The following CNGA1 variants were observed in gnomAD, a reference collection of about 807,000 sequenced individuals.
CNGA1 encodes cyclic nucleotide gated channel subunit alpha 1.
A neutral mutation model predicts 69.7 loss-of-function variants in CNGA1; 53 were observed. The ratio of observed to expected loss-of-function variants is 0.76; its 90% confidence interval spans 0.61 to 0.96. CNGA1 has a LOEUF of 0.96. Ranked by LOEUF, CNGA1 falls within the 40% of genes least tolerant of loss-of-function variation. The pLI is 0.00. For missense variants in CNGA1, 739 were observed against 811.2 expected, an observed-to-expected ratio of 0.91 and a Z score of 1.08; for synonymous variants, 249 against 283.5, an observed-to-expected ratio of 0.88 and a Z score of 1.22.
intron 3 of CNGA1, among the ~76,000 whole-genome samples, chr4:47,964,994 T>C (rs1740644995): frequency 6.6e-6 from 1 of 152,222 alleles, no homozygotes; most frequent in African/African-American, 2.4e-5. Context: ...TTTGTATTAA[T>C]TAATTTCTGT....
chr4:47,949,815 TA>T lies in CNGA1; in HGVS notation c.287+17del. On this transcript the variant is annotated intron_variant, in intron 6 of 10. Transcript: ENST00000514170. ...CTTTAAAACCAAAACTTTGGTTTTC[TA>T]TTGTAAATATACTTACTGGTCCTTA... 6.2e-7 allele frequency: 1 copy of T among 1,608,326 alleles called. No individual in the cohort carries two copies. Among genetic ancestry groups the T allele is most frequent in the Non-Finnish European group, 8.5e-7 (1 of 1,175,244 alleles).
rs5858098 is a variant in CNGA1 at position 47,980,472 on chromosome 4, C to CTT, written c.-15+919_-15+920dup. 2.5e-3 allele frequency among the ~76,000 whole-genome samples: 280 copies of CTT among 112,360 alleles called. 1 individual carries two copies. The highest frequency in any genetic ancestry group is 8.7e-3 in the African/African-American group (255 of 29,172). The allele number at this position is 112,360 out of a possible 152,430, so 73.7% of individuals were successfully genotyped here. A position where few individuals can be genotyped will look rare whatever the true frequency, so the allele number is the denominator to read the frequency against. On this transcript the variant is annotated intron_variant, in intron 3 of 10. Transcript: ENST00000514170. ...AACAGTTTTTTATTTTTCTTTCTTT[C>CTT]TTTTTTTTTTTTTTTTTTTTGATAC...
rs548116727 is a variant in CNGA1, at chr4:47,936,509, A to G, written c.1973T>C (p.Val658Ala). The change falls in exon 11 of 11, where the codon GTT becomes GCT. Residue 658 changes from valine (V) to alanine (A), a missense_variant. Physicochemically the swap from Val to Ala is moderately conservative, Grantham distance 64. Transcript: ENST00000514170. ...AATAAGCGGTTTCAGAAATTTCTCA[A>G]CCTTGGTTAATCTTTGTTTCAGTTT... Reference protein sequence around the residue: ...QQKLKQRLTKVEKFLKPLIDT... With the variant: ...QQKLKQRLTKAEKFLKPLIDT... The G allele has an allele frequency of 1.2e-6, 2 of 1,614,100 alleles. No individual in the cohort carries two copies. The highest frequency in any genetic ancestry group is 1.3e-5 in the African/African-American group (1 of 75,012).
At chr4:47,981,274 A>T (rs2110217683) in intron 3 of CNGA1, 119 bp downstream of exon 3, 1 of 152,368 alleles carries the variant, frequency 6.6e-6, no homozygotes, top group South Asian at 2.1e-4. Context: ...TCATAGCTGT[A>T]TCTAGAGAGC....
intron 1 of CNGA1, among the ~76,000 whole-genome samples, chr4:48,015,839 C>A (rs1372833539): frequency 1.3e-5 from 2 of 152,164 alleles, no homozygotes; most frequent in Non-Finnish European, 2.9e-5. Context: ...CTCAAGAGAG[C>A]CACTCGCCTC....
At chr4:47,974,071 GATAGATAGATAGA>G (rs1560299725) in intron 3 of CNGA1, among the ~76,000 whole-genome samples, 64 of 49,426 alleles carry the variant, frequency 1.3e-3, no homozygotes, top group East Asian at 3.2e-3. Context: ...CTGGTCTCTA[GATAGATAGATAGA>G]TAGATAGATA....
At chr4:47,984,678 A>T (rs778722934) in intron 2 of CNGA1, among the ~76,000 whole-genome samples, 6 of 148,380 alleles carry the variant, frequency 4.0e-5, no homozygotes, top group Non-Finnish European at 9.0e-5. Flanking sequence ...ACACACACAC[A>T]CACACACACA....
intron 1 of CNGA1, chr4:48,012,749 A>G (rs1374540710): frequency 6.6e-6 from 1 of 151,962 alleles, no homozygotes; most frequent in Non-Finnish European, 1.5e-5. Flanking sequence ...AACAGACAAC[A>G]ACAACAAAAA....
intron 1 of CNGA1, among the ~76,000 whole-genome samples, chr4:48,014,669 G>A (rs1458456947): frequency 6.6e-6 from 1 of 152,014 alleles, no homozygotes; most frequent in Admixed American, 6.6e-5. Flanking sequence ...GTAAAGTGGG[G>A]GTAGTAGTAT....
chr4:47,945,170 C>T (rs1401878529), intron 6 of CNGA1, among the ~76,000 whole-genome samples: 1 of 151,966 alleles, frequency 6.6e-6, no homozygotes, highest in African/African-American at 2.4e-5. Flanking sequence ...CAAGACCAGC[C>T]CGGGCAACAT....
At chr4:47,954,309 T>C (rs1414010167) in intron 3 of CNGA1, among the ~76,000 whole-genome samples, 1 of 152,136 alleles carries the variant, frequency 6.6e-6, no homozygotes, top group Non-Finnish European at 1.5e-5. Context: ...TTCAAACAGT[T>C]CATATGACCT....
intron 3 of CNGA1, among the ~76,000 whole-genome samples, chr4:47,970,327 C>T (rs190152590): frequency 1.2e-4 from 18 of 152,228 alleles, no homozygotes; most frequent in African/African-American, 4.3e-4. Flanking sequence ...ACCCTGATCT[C>T]ACCACCACCT....
intron 2 of CNGA1, among the ~76,000 whole-genome samples, chr4:47,988,756 A>G (rs1210305732): frequency 1.3e-5 from 2 of 152,134 alleles, no homozygotes; most frequent in Non-Finnish European, 2.9e-5. Context: ...GTGAGTCAAT[A>G]TATTCATTCA....
rs778874113 is a variant in CNGA1, at chr4:47,937,697, T to C, written c.785A>G (p.Asn262Ser). The C allele has an allele frequency of 1.2e-5, 19 of 1,614,008 alleles. 1 individual carries two copies. The South Asian group carries it at 2.1e-4, about 18-fold the overall frequency. The part of the protein sequence containing the change: ...TDLLYFKLGW[N>S]YPEIRLNRLL... Reference sequence around the variant, plus strand: ...CCTGTTTAATCTAATTTCTGGATAGTTCCACCCTAACTTAAAATACAGCAA... The same window carrying C: ...CCTGTTTAATCTAATTTCTGGATAGCTCCACCCTAACTTAAAATACAGCAA... The change falls in exon 11 of 11, where the codon AAC becomes AGC. Residue 262 changes from asparagine (N) to serine (S), a missense_variant. Asn to Ser is a conservative substitution (Grantham distance 46). Transcript: ENST00000514170.
intron 2 of CNGA1, among the ~76,000 whole-genome samples, chr4:47,993,608 T>A (rs1298174849): frequency 6.6e-6 from 1 of 152,154 alleles, no homozygotes; most frequent in African/African-American, 2.4e-5. Flanking sequence ...TCATGGTCTA[T>A]CAATTTTATT....
rs762706687 is a variant in CNGA1, at chr4:47,936,550, A to T, written c.1932T>A (p.Tyr644Ter). The T allele has an allele frequency of 6.2e-7, 1 of 1,614,104 alleles. No homozygotes were observed. Among genetic ancestry groups the T allele is most frequent in the Admixed American group, 1.7e-5 (1 of 60,002 alleles). The change falls in exon 11 of 11, where the codon TAT becomes TAA. Residue 644 changes from tyrosine to a stop codon, truncating the protein, a stop_gained. Coordinates refer to ENST00000514170, the MANE Select transcript of CNGA1 (RefSeq NM_001379270.1). LOFTEE classifies it high-confidence loss of function. ...QTRFARILAE[Y>*]ESMQQKLKQR... The stretch of plus-strand genomic sequence containing the variant: ...GTTTCAGTTTCTGCTGCATGGACTC[A>T]TACTCAGCCAAGATTCGGGCAAACC...
At chr4:48,004,709 A>C (rs947259479) in intron 2 of CNGA1, among the ~76,000 whole-genome samples, 3 of 152,210 alleles carry the variant, frequency 2.0e-5, no homozygotes, top group African/African-American at 7.2e-5. Flanking sequence ...TATAGGCCAC[A>C]CTACTCTGAA....
intron 3 of CNGA1, among the ~76,000 whole-genome samples, chr4:47,961,697 C>T (rs1261094807): frequency 1.3e-5 from 2 of 152,072 alleles, no homozygotes; most frequent in East Asian, 1.9e-4. Flanking sequence ...CAGTGCACTC[C>T]AGCCTGGGTG....
chr4:47,998,763 C>T (rs942165763), intron 2 of CNGA1, among the ~76,000 whole-genome samples: 13 of 152,000 alleles, frequency 8.6e-5, no homozygotes, highest in South Asian at 2.1e-4. Flanking sequence ...GGCAACAGAG[C>T]GAGACTCCAT....
Sources: gnomAD v4.1 joint callset for allele counts (sites outside exome capture counted in the v4.1 genomes callset) on GRCh38, gnomAD v4.1.1 for gene constraint, MANE v1.5 for transcripts, NCBI Gene and HGNC (gene_info 2026-07-23, HGNC 2026-07-21) for gene names.